NEO1: variants seen among roughly 807,000 people sequenced by gnomAD.
The protein encoded by NEO1 is neogenin.
Under a neutral mutation model 159.7 loss-of-function variants are expected in NEO1, and 63 were observed. The ratio of observed to expected loss-of-function variants is 0.39; its 90% CI spans 0.32 to 0.49. The LOEUF (loss-of-function observed/expected upper bound fraction) is 0.49. Among genes scored for constraint, NEO1 ranks in the 20% least tolerant of loss-of-function variants. The probability of loss-of-function intolerance (pLI) is 0.85; values close to 1 mark genes in which losing one functional copy is unlikely to be tolerated. For missense variants in NEO1, 1,615 were observed against 1,831.0 expected (o/e 0.88, Z 2.15); for synonymous variants, 633 against 662.0 (o/e 0.96, Z 0.67).
chr15:73,293,475 TCATCTCTAC>T lies in NEO1; in HGVS notation c.3831_3839del (p.Leu1278_His1280del), dbSNP rs757186272. 1 of 1,614,140 alleles carries T rather than the reference TCATCTCTAC, an allele frequency of 6.2e-7. No individual in the cohort carries two copies. Among genetic ancestry groups the T allele is most frequent in the Admixed American group, 1.7e-5 (1 of 60,014 alleles). On this transcript the variant is annotated inframe_deletion, in exon 26 of 29. Transcript: ENST00000261908. The stretch of plus-strand genomic sequence containing the variant: ...GCAGCCTCGCTTCTCCAGCTCGCAG[TCATCTCTAC>T]CACCCGGGCAGCCCATGGCCCATTG...
At chr15:73,170,175 A>C (rs193243035) in intron 5 of NEO1, among the ~76,000 whole-genome samples, 1 of 152,146 alleles carries the variant, frequency 6.6e-6, no homozygotes, top group Non-Finnish European at 1.5e-5. Flanking sequence ...TAATGTACCT[A>C]GTGGGATTTA....
chr15:73,116,880 T>TG, intron 2 of NEO1, 23 bp downstream of exon 2: 1 of 1,516,058 alleles, frequency 6.6e-7, no homozygotes, highest in Non-Finnish European at 8.8e-7. Context: ...TGATTTTTTT[T>TG]TTTGCATTTT....
chr15:73,114,535 AC>A (rs1338988420), intron 1 of NEO1, among the ~76,000 whole-genome samples: 10 of 152,280 alleles, frequency 6.6e-5, no homozygotes, highest in African/African-American at 2.2e-4. Flanking sequence ...ATTCACTCTT[AC>A]TTTTTCAAAC....
At chr15:73,160,429 C>T (rs1437426446) in intron 5 of NEO1, among the ~76,000 whole-genome samples, 2 of 152,162 alleles carry the variant, frequency 1.3e-5, no homozygotes, top group African/African-American at 2.4e-5. Context: ...ATTCTTGCCT[C>T]CTCACCATTT....
In NEO1 at chr15:73,108,508, A is replaced by G. The variant is rs563124974; in HGVS notation, c.131-8032A>G. On this transcript the variant is annotated intron_variant, in intron 1 of 28. Transcript: ENST00000261908. ...CTAATACTTAATTCCATCTTGGCCCAGGCACCTTTCCTACCTATAGGACAC... is the reference window on the plus strand; with the variant it reads ...CTAATACTTAATTCCATCTTGGCCCGGGCACCTTTCCTACCTATAGGACAC... Among the ~76,000 whole-genome samples, 117 of 152,288 alleles carry G rather than the reference A, an allele frequency of 7.7e-4. 1 individual carries two copies. Among genetic ancestry groups the G allele is most frequent in the African/African-American group, 2.7e-3 (113 of 41,560 alleles).
rs191304814 is a variant in NEO1 at position 73,128,255 on chromosome 15, T to G, written c.878+1685T>G. Reference sequence around the variant, plus strand: ...ATAAGACTTCATTTTTTTTTTTTTTTGCCAACTGAAACATAGGGAACCTTA... The same window carrying G: ...ATAAGACTTCATTTTTTTTTTTTTTGGCCAACTGAAACATAGGGAACCTTA... On this transcript the variant is annotated intron_variant, in intron 4 of 28. Transcript: ENST00000261908. Among the ~76,000 whole-genome samples, 1,271 of 151,916 alleles carry G rather than the reference T, an allele frequency of 8.4e-3. 21 individuals carry two copies. The highest frequency in any genetic ancestry group is 0.029 in the African/African-American group (1,196 of 41,424).
chr15:73,252,744 C>T (rs916043974), intron 11 of NEO1, among the ~76,000 whole-genome samples: 2 of 152,134 alleles, frequency 1.3e-5, no homozygotes, highest in African/African-American at 4.8e-5. Flanking sequence ...AATCCCAGCA[C>T]TTTGAGAGGC....
intron 1 of NEO1, among the ~76,000 whole-genome samples, chr15:73,088,897 A>T (rs1169367060): frequency 6.6e-6 from 1 of 152,110 alleles, no homozygotes; most frequent in Non-Finnish European, 1.5e-5. Flanking sequence ...AAGAAGGAAG[A>T]TGCTTCCTAA....
intron 5 of NEO1, chr15:73,143,142 C>A: frequency 6.5e-6 from 1 of 154,578 alleles, no homozygotes; most frequent in South Asian, 1.9e-4. Context: ...TGGAAAAGCT[C>A]CATATGGATT....
chr15:73,300,913 C>T lies in NEO1; in HGVS notation c.4166-408C>T, dbSNP rs117380661. On this transcript the variant is annotated intron_variant, in intron 27 of 28. Transcript: ENST00000261908. ...ACGTGCGTGTCAGTGAATGGCTTTACAGTTTGGCACCACTGCCTTAATTTG... is the reference window on the plus strand; with the variant it reads ...ACGTGCGTGTCAGTGAATGGCTTTATAGTTTGGCACCACTGCCTTAATTTG... Among the ~76,000 whole-genome samples, 15 of 152,322 alleles carry T rather than the reference C, an allele frequency of 9.8e-5. 1 individual carries two copies. In the East Asian group the frequency reaches 2.7e-3, roughly 27 times the overall value.
At chr15:73,183,090 C>T (rs768633621) in intron 7 of NEO1, among the ~76,000 whole-genome samples, 5 of 152,158 alleles carry the variant, frequency 3.3e-5, no homozygotes, top group African/African-American at 1.2e-4. Flanking sequence ...CTTGCAAACA[C>T]TTTTCCTTGG....
At chr15:73,091,416 A>G (rs11856920) in intron 1 of NEO1, among the ~76,000 whole-genome samples, 6,914 of 152,236 alleles carry the variant, frequency 0.045, 520 homozygotes, top group African/African-American at 0.16. Context: ...ATTATTTTAA[A>G]GATACATTAT....
At position 73,126,508 on chromosome 15, in the gene NEO1, T is replaced by C; in HGVS notation, c.816T>C (p.Ala272=). The C allele has an allele frequency of 1.2e-6, 2 of 1,614,004 alleles. No homozygotes were observed. The highest frequency in any genetic ancestry group is 1.7e-6 in the Non-Finnish European group (2 of 1,179,960). ...AGGATGTAGTGTTGCCATGTGTTGC[T>C]TCAGGACTTCCTACTCCAACCATTA... ...IGQDVVLPCV[A]SGLPTPTIKW... is the part of the protein sequence containing the mutation. The change falls in exon 4 of 29, where the codon GCT becomes GCC. Residue 272 remains alanine (A), a synonymous_variant. Coordinates refer to ENST00000261908, the MANE Select transcript of NEO1 (RefSeq NM_002499.4).
chr15:73,296,926 C>T (rs2042395694), intron 26 of NEO1, among the ~76,000 whole-genome samples: 1 of 152,182 alleles, frequency 6.6e-6, no homozygotes, highest in South Asian at 2.1e-4. Flanking sequence ...TTTTGGACAG[C>T]AGTTGGCCAC....
intron 23 of NEO1, among the ~76,000 whole-genome samples, chr15:73,284,610 G>T (rs561055523): frequency 2.9e-4 from 42 of 145,750 alleles, no homozygotes; most frequent in Middle Eastern, 3.6e-3. Flanking sequence ...TTTTGAGACG[G>T]TGTCTCTCTC....
intron 5 of NEO1, among the ~76,000 whole-genome samples, chr15:73,168,438 A>T (rs1301949364): frequency 6.7e-6 from 1 of 149,292 alleles, no homozygotes; most frequent in Non-Finnish European, 1.5e-5. Flanking sequence ...ACCTCCAGTG[A>T]TCCACCTGAC....
At chr15:73,165,921 A>C (rs1363789766) in intron 5 of NEO1, among the ~76,000 whole-genome samples, 1 of 152,154 alleles carries the variant, frequency 6.6e-6, no homozygotes, top group Non-Finnish European at 1.5e-5. Context: ...CTTACTGCAC[A>C]TGTGTCAGGA....
intron 5 of NEO1, among the ~76,000 whole-genome samples, chr15:73,171,563 C>T (rs1185952326): frequency 6.6e-6 from 1 of 151,252 alleles, no homozygotes; most frequent in Non-Finnish European, 1.5e-5. Context: ...GAACATTGGC[C>T]AGTTAGTGAA....
chr15:73,064,213 C>T (rs1452064201), intron 1 of NEO1, among the ~76,000 whole-genome samples: 1 of 152,146 alleles, frequency 6.6e-6, no homozygotes, highest in Non-Finnish European at 1.5e-5. Context: ...TTGGCAGTTC[C>T]ACTTTGTTCA....
Sources: gnomAD v4.1 joint callset for allele counts (sites outside exome capture counted in the v4.1 genomes callset) on GRCh38, gnomAD v4.1.1 for gene constraint, MANE v1.5 for transcripts, NCBI Gene and HGNC (gene_info 2026-07-23, HGNC 2026-07-21) for gene names.